The following SCARB2 variants were observed in gnomAD, a reference collection of about 807,000 sequenced individuals.
SCARB2 encodes lysosome membrane protein 2.
SCARB2 carries 29 observed loss-of-function variants against 58.6 expected under a neutral mutation model. The observed-to-expected ratio is 0.49, with a 90% confidence interval of 0.37 to 0.67. The LOEUF (loss-of-function observed/expected upper bound fraction) is 0.67, where lower values mean the gene tolerates loss of function less well. SCARB2 is among the 30% of genes least tolerant of loss of function. The pLI is 0.00. For missense variants in SCARB2, 488 were observed against 578.5 expected (o/e 0.84, Z 1.60); for synonymous variants, 195 against 210.1 (o/e 0.93, Z 0.62).
intron 2 of SCARB2, among the ~76,000 whole-genome samples, chr4:76,189,008 T>C (rs1402758927): frequency 2.0e-5 from 3 of 152,264 alleles, no homozygotes; most frequent in African/African-American, 7.2e-5. Flanking sequence ...GCAAAGTAAC[T>C]GCGTTTTTTG....
intron 10 of SCARB2, chr4:76,164,608 C>T (rs1731964008): frequency 6.7e-6 from 1 of 150,344 alleles, no homozygotes. Flanking sequence ...GCACTCCAGC[C>T]TGGGCAACAG....
intron 2 of SCARB2, chr4:76,194,017 G>C (rs886663236): frequency 2.0e-5 from 3 of 152,222 alleles, no homozygotes; most frequent in African/African-American, 7.2e-5. Flanking sequence ...TCAAGGTTTG[G>C]TGCTGTCCTC....
At chr4:76,189,469 T>TCTG (rs1439704361) in intron 2 of SCARB2, among the ~76,000 whole-genome samples, 2 of 127,658 alleles carry the variant, frequency 1.6e-5, no homozygotes, top group African/African-American at 6.7e-5. Flanking sequence ...AGGGTTTTTG[T>TCTG]TTGTCTGTTG....
At chr4:76,225,513 G>A (rs1262237019) in intron 1 of SCARB2, among the ~76,000 whole-genome samples, 1 of 152,160 alleles carries the variant, frequency 6.6e-6, no homozygotes, top group Non-Finnish European at 1.5e-5. Context: ...GTATAATGTT[G>A]GCTGTGGGTT....
chr4:76,204,245 C>A (rs1162113535), intron 1 of SCARB2, among the ~76,000 whole-genome samples: 1 of 152,174 alleles, frequency 6.6e-6, no homozygotes, highest in African/African-American at 2.4e-5. Context: ...CCACTGTTTA[C>A]ATAAAAGAAA....
At chr4:76,219,525 CGA>C (rs1560726505) in intron 1 of SCARB2, among the ~76,000 whole-genome samples, 1 of 151,982 alleles carries the variant, frequency 6.6e-6, no homozygotes, top group Non-Finnish European at 1.5e-5. Flanking sequence ...ATAAACAACA[CGA>C]GAGGTCACAG....
intron 1 of SCARB2, 49 bp from the exon 2 acceptor site, chr4:76,195,913 G>C: frequency 1.3e-6 from 2 of 1,483,496 alleles, no homozygotes; most frequent in Non-Finnish European, 1.9e-6. Context: ...GCAATAGTTG[G>C]CTTTAAACCC....
At chr4:76,175,573 C>A (rs552500655) in intron 6 of SCARB2, 2 of 580,140 alleles carry the variant, frequency 3.4e-6, no homozygotes, top group Non-Finnish European at 6.0e-6. Flanking sequence ...CAAGGTCACA[C>A]AGCTATAAGT....
intron 2 of SCARB2, among the ~76,000 whole-genome samples, chr4:76,188,429 T>A (rs996351038): frequency 6.6e-6 from 1 of 152,252 alleles, no homozygotes; most frequent in Non-Finnish European, 1.5e-5. Flanking sequence ...ATTACTATTC[T>A]GAACTCCCCA....
intron 1 of SCARB2, among the ~76,000 whole-genome samples, chr4:76,205,381 G>A (rs755437807): frequency 6.6e-6 from 1 of 151,770 alleles, no homozygotes; most frequent in Non-Finnish European, 1.5e-5. Context: ...CCAAAATATT[G>A]TATATTTGAA....
chr4:76,221,245 C>T (rs1264946837), intron 1 of SCARB2, among the ~76,000 whole-genome samples: 1 of 152,194 alleles, frequency 6.6e-6, no homozygotes, highest in Non-Finnish European at 1.5e-5. Flanking sequence ...TAAGCTTGGG[C>T]GACCACTGCC....
At chr4:76,162,854 G>A (rs969915518) in intron 11 of SCARB2, 5 of 432,206 alleles carry the variant, frequency 1.2e-5, no homozygotes, top group African/African-American at 4.0e-5. Context: ...TCGTATAGCT[G>A]TTAAGTGGCA....
chr4:76,200,283 A>G (rs1002641513), intron 1 of SCARB2, among the ~76,000 whole-genome samples: 3 of 152,244 alleles, frequency 2.0e-5, no homozygotes, highest in Non-Finnish European at 4.4e-5. Context: ...TCAGTTTTAC[A>G]GTGTGACTCT....
At chr4:76,179,047 GTTTTTGTTTTTT>G (rs1560709940) in intron 4 of SCARB2, 1 of 155,028 alleles carries the variant, frequency 6.5e-6, no homozygotes, top group Non-Finnish European at 1.3e-5. Flanking sequence ...TTTTGTTTTT[GTTTTTGTTTTTT>G]TTTTGGCTTT....
Position 76,189,543 on chromosome 4 carries a change from C to T in SCARB2, c.275+6164G>A, listed in dbSNP as rs1348586367. 2.0e-5 allele frequency among the ~76,000 whole-genome samples: 3 copies of T among 152,108 alleles called. No homozygotes were observed. The East Asian group carries it at 5.8e-4, about 29-fold the overall frequency. ...GGTCGCCCAGGCTGGCATTCGGTGGCGTGATCTCAGCTCACTGCAACCTCT... is the reference window on the plus strand; with the variant it reads ...GGTCGCCCAGGCTGGCATTCGGTGGTGTGATCTCAGCTCACTGCAACCTCT... On this transcript the variant is annotated intron_variant, in intron 2 of 11. Coordinates refer to ENST00000264896, the MANE Select transcript of SCARB2 (RefSeq NM_005506.4).
chr4:76,170,613 G>T (rs368619540), intron 7 of SCARB2, among the ~76,000 whole-genome samples: 4 of 152,096 alleles, frequency 2.6e-5, no homozygotes, highest in African/African-American at 9.7e-5. Context: ...CGCCTCCCAG[G>T]TTCAAGCAAT....
rs369532738 is a variant in SCARB2, at chr4:76,197,045, C to T, written c.118-1181G>A. On this transcript the variant is annotated intron_variant, in intron 1 of 11. Coordinates refer to ENST00000264896, the MANE Select transcript of SCARB2 (RefSeq NM_005506.4). The stretch of plus-strand genomic sequence containing the variant: ...ACAGAGGGAAGGCCACGTGAAAACA[C>T]GCAGAACTGACAGCCCTCTACAAGC... Among the ~76,000 whole-genome samples the T allele has an allele frequency of 7.9e-5, 12 of 152,318 alleles. No homozygotes were observed. In the East Asian group the frequency reaches 9.6e-4, roughly 12 times the overall value.
intron 1 of SCARB2, among the ~76,000 whole-genome samples, chr4:76,232,841 T>TAGTG (rs1263455817): frequency 6.6e-6 from 1 of 152,200 alleles, no homozygotes; most frequent in African/African-American, 2.4e-5. Flanking sequence ...TATTATGAAA[T>TAGTG]AGTGTTCCAG....
chr4:76,181,157 C>G, intron 2 of SCARB2, 56 bp from the exon 3 acceptor site: 1 of 1,537,636 alleles, frequency 6.5e-7, no homozygotes, highest in Non-Finnish European at 8.9e-7. Context: ...ATAAGCAAGA[C>G]TTTTCCTTTC....
Sources: gnomAD v4.1 joint callset for allele counts (sites outside exome capture counted in the v4.1 genomes callset) on GRCh38, gnomAD v4.1.1 for gene constraint, MANE v1.5 for transcripts, NCBI Gene and HGNC (gene_info 2026-07-23, HGNC 2026-07-21) for gene names.